HECTD4: variants seen among roughly 807,000 people sequenced by gnomAD.
HECTD4 encodes the protein probable E3 ubiquitin-protein ligase HECTD4.
HECTD4 carries 114 observed loss-of-function variants against 471.5 expected under a neutral mutation model. The observed-to-expected ratio is 0.24, with a 90% CI of 0.21 to 0.28. The LOEUF is 0.28. Ranked by LOEUF, HECTD4 falls within the 10% of genes least tolerant of loss-of-function variation. HECTD4 has a pLI of 1.00. For synonymous variants in HECTD4, 2,012 were observed against 2,256.0 expected (o/e 0.89, Z 3.07); for missense variants, 3,866 against 5,651.5 (o/e 0.68, Z 10.13).
intron 37 of HECTD4, among the ~76,000 whole-genome samples, chr12:112,233,667 A>G (rs1346466552): frequency 6.6e-6 from 1 of 152,202 alleles, no homozygotes; most frequent in Non-Finnish European, 1.5e-5. Flanking sequence ...CCAGATGAAA[A>G]TAATGCACAA....
intron 66 of HECTD4, among the ~76,000 whole-genome samples, chr12:112,174,051 C>T (rs1002699860): frequency 2.0e-5 from 3 of 151,060 alleles, no homozygotes; most frequent in African/African-American, 7.3e-5. Context: ...AATCTCAGCT[C>T]ACCACAACCC....
chr12:112,380,564 G>A (rs928827914), intron 1 of HECTD4, among the ~76,000 whole-genome samples: 1 of 152,028 alleles, frequency 6.6e-6, no homozygotes, highest in African/African-American at 2.4e-5. Flanking sequence ...GAGTTTTCAG[G>A]CAGATAAGAC....
rs2030717845 is a variant in HECTD4, at chr12:112,162,278, T to C, written c.*109A>G. 1.5e-6 allele frequency: 2 copies of C among 1,330,062 alleles called. No individual in the cohort carries two copies. Among genetic ancestry groups the C allele is most frequent in the East Asian group, 2.3e-5 (1 of 43,112 alleles). 82.4% of individuals were successfully genotyped at this position (1,330,062 alleles called of 1,614,324 possible). On this transcript the variant is annotated 3_prime_UTR_variant, in exon 76 of 76. Transcript: ENST00000682272. This position sits in a 1 kb window ranked among gnomAD's most constrained non-coding sequence, Gnocchi z 5.2. ...TGGACGAAAGTTTGGAAAAGCAAAATGTTGCCAACTCCTCACGCAGGGCCC... is the reference window on the plus strand; with the variant it reads ...TGGACGAAAGTTTGGAAAAGCAAAACGTTGCCAACTCCTCACGCAGGGCCC...
chr12:112,244,389 A>G (rs1180480030), intron 29 of HECTD4, among the ~76,000 whole-genome samples: 1 of 152,146 alleles, frequency 6.6e-6, no homozygotes, highest in Non-Finnish European at 1.5e-5. Context: ...TATTTTTTTA[A>G]GATGGGTCTC....
In HECTD4 at chr12:112,319,789, A is replaced by C; in HGVS notation, c.178-47T>G. 8.3e-7 allele frequency: 1 copy of C among 1,206,790 alleles called. No individual in the cohort carries two copies. Among genetic ancestry groups the C allele is most frequent in the South Asian group, 4.1e-5 (1 of 24,252 alleles). 74.8% of individuals were successfully genotyped at this position (1,206,790 alleles called of 1,614,324 possible). On this transcript the variant is annotated intron_variant, in intron 1 of 75. Coordinates refer to ENST00000682272, the MANE Select transcript of HECTD4 (RefSeq NM_001388303.1). The surrounding 1 kb of genome is among the most constrained non-coding windows in gnomAD (Gnocchi z 5.3). ...AAGTGGGTAAATATTACTTTCACCAAAGTCATCTAAGGAAGAAAATATGTT... is the reference window on the plus strand; with the variant it reads ...AAGTGGGTAAATATTACTTTCACCACAGTCATCTAAGGAAGAAAATATGTT...
chr12:112,263,707 T>TTTTA (rs2034200017), intron 17 of HECTD4, among the ~76,000 whole-genome samples: 1 of 137,840 alleles, frequency 7.3e-6, no homozygotes, highest in African/African-American at 2.9e-5. Context: ...CCCAAGATTT[T>TTTTA]TATATATATA....
chr12:112,364,779 A>G (rs1267267214), intron 1 of HECTD4, among the ~76,000 whole-genome samples: 1 of 152,206 alleles, frequency 6.6e-6, no homozygotes, highest in Non-Finnish European at 1.5e-5. Flanking sequence ...CTGCAATTAA[A>G]ATTCCTAGAG....
intron 2 of HECTD4, 137 bp from the exon 3 acceptor site, chr12:112,314,683 G>A (rs895812857): frequency 1.7e-5 from 10 of 601,194 alleles, no homozygotes; most frequent in Non-Finnish European, 8.8e-6. Context: ...ATGATGTGTT[G>A]TAAAAAAAAT....
intron 7 of HECTD4, among the ~76,000 whole-genome samples, chr12:112,293,364 C>CAAAA (rs754332904): frequency 4.3e-5 from 3 of 69,900 alleles, no homozygotes; most frequent in Non-Finnish European, 6.0e-5. Context: ...GACTCTGTCT[C>CAAAA]AAAAAAAAAA....
chr12:112,279,034 A>G (rs1293580129), intron 9 of HECTD4, among the ~76,000 whole-genome samples, 194 bp downstream of exon 9: 1 of 152,252 alleles, frequency 6.6e-6, no homozygotes, highest in Non-Finnish European at 1.5e-5. Flanking sequence ...TTTCAAAACT[A>G]TACTAATATG....
intron 61 of HECTD4, among the ~76,000 whole-genome samples, 195 bp downstream of exon 61, chr12:112,183,992 T>C (rs976642466): frequency 2.0e-5 from 3 of 152,154 alleles, no homozygotes; most frequent in African/African-American, 7.2e-5. Context: ...CCCCTTTACT[T>C]CGTGATATGG....
chr12:112,308,160 A>G (rs1049172261), intron 6 of HECTD4, among the ~76,000 whole-genome samples: 2 of 152,228 alleles, frequency 1.3e-5, no homozygotes, highest in African/African-American at 4.8e-5. Flanking sequence ...GCAGTGTGTT[A>G]TGTTCTAAGG....
At chr12:112,341,593 C>T (rs1303930759) in intron 1 of HECTD4, among the ~76,000 whole-genome samples, 4 of 152,172 alleles carry the variant, frequency 2.6e-5, no homozygotes, top group Admixed American at 6.5e-5. Context: ...TATCGCTTTA[C>T]GGGTTATTTC....
intron 20 of HECTD4, 72 bp downstream of exon 20, chr12:112,258,424 A>T (rs916737824): frequency 1.9e-6 from 2 of 1,070,342 alleles, no homozygotes; most frequent in African/African-American, 3.3e-5. Flanking sequence ...AATCATTTTC[A>T]TAAAAGGAGT....
chr12:112,217,403 G>A (rs1442886830), intron 45 of HECTD4, among the ~76,000 whole-genome samples: 1 of 152,046 alleles, frequency 6.6e-6, no homozygotes, highest in Non-Finnish European at 1.5e-5. Context: ...ACCCAGACTG[G>A]AGTGCAGTGG....
At chr12:112,314,244 G>C (rs572399447) in intron 3 of HECTD4, among the ~76,000 whole-genome samples, 2 of 151,446 alleles carry the variant, frequency 1.3e-5, no homozygotes, top group South Asian at 4.2e-4. Context: ...TAAAGACATA[G>C]AACTAAAAAA....
At position 112,246,875 on chromosome 12, in the gene HECTD4, G is replaced by T. The variant is rs77712628; in HGVS notation, c.4513+26C>A. 7 of 1,597,714 alleles carry T rather than the reference G, an allele frequency of 4.4e-6. No individual in the cohort carries two copies. In the African/African-American group the frequency reaches 9.5e-5, roughly 22 times the overall value. On this transcript the variant is annotated intron_variant, in intron 29 of 75. Transcript: ENST00000682272. ...ATTCTCTGTTCATATAACAGAAGCC[G>T]ATTAGGGGCTATCTTTGAGCAGTAC...
In HECTD4 at chr12:112,246,907, T is replaced by C; in HGVS notation, c.4507A>G (p.Thr1503Ala). 1 of 1,611,774 alleles carries C rather than the reference T, an allele frequency of 6.2e-7. No homozygotes were observed. The highest frequency in any genetic ancestry group is 1.1e-5 in the South Asian group (1 of 90,912). Reference sequence around the variant, plus strand: ...GGCTATCTTTGAGCAGTACCTGGTGTTTCAGCAGGGGTCCCAGAGATGCTT... The same window carrying C: ...GGCTATCTTTGAGCAGTACCTGGTGCTTCAGCAGGGGTCCCAGAGATGCTT... ...TRSISGTPAE[T>A]PACKSASETK... is the part of the protein sequence containing the mutation. The change falls in exon 29 of 76, where the codon ACA (threonine) becomes GCA (alanine). Residue 1503 changes from threonine to alanine, a missense_variant. Around this residue, in one of 16 missense-constraint regions of HECTD4, gnomAD observed 49 missense variants for 43.6 expected, o/e 1.12. Transcript: ENST00000682272.
intron 53 of HECTD4, 149 bp downstream of exon 53, chr12:112,204,337 T>A (rs1365386578): frequency 1.4e-5 from 11 of 765,922 alleles, no homozygotes; most frequent in Non-Finnish European, 2.3e-5. Flanking sequence ...GCCCTAGGGC[T>A]TCACATGGGG....
Sources: gnomAD v4.1 joint callset for allele counts (sites outside exome capture counted in the v4.1 genomes callset) on GRCh38, gnomAD v4.1.1 for gene constraint, gnomAD v4.1.1 regional missense constraint, Gnocchi (gnomAD v3.1) non-coding constraint, MANE v1.5 for transcripts, NCBI Gene and HGNC (gene_info 2026-07-23, HGNC 2026-07-21) for gene names.